Variants in STAT3 observed in about 807,000 individuals in gnomAD.
The protein encoded by STAT3 is DNA-binding protein APRF.
A neutral mutation model predicts 114.3 loss-of-function variants in STAT3; 7 were observed. The observed-to-expected ratio is 0.06, with a 90% CI of 0.03 to 0.11. The LOEUF (loss-of-function observed/expected upper bound fraction) is 0.11. STAT3 is among the 10% of genes least tolerant of loss of function. STAT3 has a pLI of 1.00. For synonymous variants in STAT3, 331 were observed against 354.5 expected (o/e 0.93, Z 0.74); for missense variants, 364 against 960.9 (o/e 0.38, Z 8.21).
At chr17:42,350,986 C>G (rs1045128855) in intron 1 of STAT3, among the ~76,000 whole-genome samples, 7 of 151,916 alleles carry the variant, frequency 4.6e-5, no homozygotes, top group African/African-American at 1.7e-4. Context: ...CAAAAATTAG[C>G]TGGGTGTGGT....
Position 42,346,704 on chromosome 17 carries a change from C to A in STAT3, c.138G>T (p.Ala46=). Residue 46 remains alanine, a synonymous_variant, in exon 3 of 24, where the codon GCG becomes GCT. Transcript: ENST00000264657. ...AAGTGGCATGTGATTCTTTGCTGGC[C>A]GCATATGCCCTAGGAAAAGGAAGAA... ...PWIESQDWAY[A]ASKESHATLV... 6 of 1,613,878 alleles carry A rather than the reference C, an allele frequency of 3.7e-6. No individual in the cohort carries two copies. Among genetic ancestry groups the A allele is most frequent in the Non-Finnish European group, 5.1e-6 (6 of 1,179,994 alleles).
intron 14 of STAT3, among the ~76,000 whole-genome samples, chr17:42,326,715 G>C (rs1331340044): frequency 6.6e-6 from 1 of 152,048 alleles, no homozygotes; most frequent in Admixed American, 6.6e-5. Flanking sequence ...AGCTACTCAG[G>C]AGGCTGAGGC....
Position 42,337,060 on chromosome 17 carries a change from C to G in STAT3, c.797+375G>C, listed in dbSNP as rs2144867705. ...GTAGTAAGATCTCCGCTCACTGCAA[C>G]TTCCATATCCCAGGTTCAAGTGATT... On this transcript the variant is annotated intron_variant, in intron 8 of 23. Transcript: ENST00000264657. This position sits in a 1 kb window ranked among gnomAD's most constrained non-coding sequence, Gnocchi z 4.0. Among the ~76,000 whole-genome samples, 1 of 152,296 alleles carries G rather than the reference C, an allele frequency of 6.6e-6. No individual in the cohort carries two copies. The highest frequency in any genetic ancestry group is 2.4e-5 in the African/African-American group (1 of 41,554).
intron 1 of STAT3, among the ~76,000 whole-genome samples, chr17:42,380,685 G>A (rs1268268663): frequency 3.3e-5 from 5 of 152,138 alleles, no homozygotes; most frequent in South Asian, 2.1e-4. Context: ...CACCGCACTC[G>A]GCCTGATATT....
intron 10 of STAT3, among the ~76,000 whole-genome samples, chr17:42,332,742 AG>A: frequency 6.6e-6 from 1 of 152,134 alleles, no homozygotes. Context: ...AGGGAGGCTA[AG>A]GCAGGAGAAT....
intron 11 of STAT3, among the ~76,000 whole-genome samples, chr17:42,330,724 C>T (rs1311146913): frequency 2.0e-5 from 3 of 152,108 alleles, no homozygotes; most frequent in East Asian, 3.8e-4. Context: ...CCACCGCGCC[C>T]GGCCCACATT....
chr17:42,331,646 G>C, intron 10 of STAT3, 115 bp from the exon 11 acceptor site: 1 of 851,182 alleles, frequency 1.2e-6, no homozygotes, highest in Non-Finnish European at 1.9e-6. Context: ...AGGCCAAGCT[G>C]TCTATAATTA....
At chr17:42,318,411 C>A (rs2081336791) in intron 21 of STAT3, among the ~76,000 whole-genome samples, 1 of 152,160 alleles carries the variant, frequency 6.6e-6, no homozygotes, top group Non-Finnish European at 1.5e-5. Context: ...CAAGTATGAG[C>A]TATCATGCCC....
rs768443734 is a variant in STAT3 at position 42,329,790 on chromosome 17, G to A, written c.1110-14C>T. 34 of 1,614,108 alleles carry A rather than the reference G, an allele frequency of 2.1e-5. No homozygotes were observed. The highest frequency in any genetic ancestry group is 2.9e-5 in the Non-Finnish European group (34 of 1,179,966). On this transcript the variant is annotated splice_polypyrimidine_tract_variant and intron_variant, in intron 11 of 23. Transcript: ENST00000264657. ...TCCCCAGAGTCTCTGTAAGAACACA[G>A]ACTGTTGTTAATAAAATAGGCTCTG...
chr17:42,333,470 C>G lies in STAT3; in HGVS notation c.1049+203G>C, dbSNP rs1389604162. On this transcript the variant is annotated intron_variant, in intron 10 of 23. Coordinates refer to ENST00000264657, the MANE Select transcript of STAT3 (RefSeq NM_139276.3). This position sits in a 1 kb window ranked among gnomAD's most constrained non-coding sequence, Gnocchi z 5.2. ...CAATCATAGGAATATGCCCAGGTACCTTCAAAAAGATGACTGCTCTTTTGC... is the reference window on the plus strand; with the variant it reads ...CAATCATAGGAATATGCCCAGGTACGTTCAAAAAGATGACTGCTCTTTTGC... 6.6e-6 allele frequency among the ~76,000 whole-genome samples: 1 copy of G among 152,098 alleles called. No homozygotes were observed. The highest frequency in any genetic ancestry group is 1.5e-5 in the Non-Finnish European group (1 of 68,024).
At position 42,313,647 on chromosome 17, in the gene STAT3, G is replaced by A. The variant is rs1280242071; in HGVS notation, c.*2098C>T. ...TCTCAGAACTTTTGCTACAATCAGA[G>A]TTAAGACCAGATACATGCTACCTAA... On this transcript the variant is annotated 3_prime_UTR_variant, in exon 24 of 24. Coordinates refer to ENST00000264657, the MANE Select transcript of STAT3 (RefSeq NM_139276.3). The A allele has an allele frequency of 8.6e-6, 2 of 231,788 alleles. No individual in the cohort carries two copies. The highest frequency in any genetic ancestry group is 1.7e-5 in the Non-Finnish European group (2 of 116,870). 14.4% of individuals were successfully genotyped at this position (231,788 alleles called of 1,614,324 possible). A position where few individuals can be genotyped will look rare whatever the true frequency, so the allele number is the denominator to read the frequency against.
At chr17:42,370,903 C>T (rs1281959909) in intron 1 of STAT3, among the ~76,000 whole-genome samples, 3 of 152,144 alleles carry the variant, frequency 2.0e-5, no homozygotes, top group African/African-American at 4.8e-5. Flanking sequence ...GCCACCACAC[C>T]GGGCCTCCCT....
intron 4 of STAT3, among the ~76,000 whole-genome samples, chr17:42,344,072 C>T (rs956691462): frequency 6.6e-6 from 1 of 152,122 alleles, no homozygotes; most frequent in Admixed American, 6.5e-5. Flanking sequence ...AGTGTTTCAC[C>T]ACTGTGCATC....
intron 10 of STAT3, among the ~76,000 whole-genome samples, chr17:42,332,818 GAAAGAGCGA>G (rs1317485797): frequency 2.0e-5 from 3 of 151,510 alleles, no homozygotes; most frequent in Non-Finnish European, 2.9e-5. Context: ...TGGCCTGGCC[GAAAGAGCGA>G]GACTCTGTCT....
chr17:42,319,720 A>G (rs146896614), intron 21 of STAT3, among the ~76,000 whole-genome samples: 1 of 152,140 alleles, frequency 6.6e-6, no homozygotes, highest in Non-Finnish European at 1.5e-5. Context: ...TCTTGGGAGG[A>G]TAATCTAACC....
chr17:42,370,231 C>T (rs1414003525), intron 1 of STAT3, among the ~76,000 whole-genome samples: 1 of 150,576 alleles, frequency 6.6e-6, no homozygotes, highest in Admixed American at 6.7e-5. Context: ...GGATTATAGG[C>T]ATGAGCCACC....
rs2144684636 is a variant in STAT3 at position 42,322,501 on chromosome 17, C to T, written c.1889-7G>A. 6.2e-7 allele frequency: 1 copy of T among 1,614,154 alleles called. No homozygotes were observed. Among genetic ancestry groups the T allele is most frequent in the Non-Finnish European group, 8.5e-7 (1 of 1,180,012 alleles). On this transcript the variant is annotated splice_region_variant and splice_polypyrimidine_tract_variant and intron_variant, in intron 20 of 23. Coordinates refer to ENST00000264657, the MANE Select transcript of STAT3 (RefSeq NM_139276.3). ...GACTGGATCTGGGTCTTACCTGTCA[C>T]AGGACATGGGAAGGAAAGATCATGG...
Position 42,333,797 on chromosome 17 carries a change from C to T in STAT3, c.957-32G>A, listed in dbSNP as rs1489037254. 8.7e-6 allele frequency: 14 copies of T among 1,614,116 alleles called. No homozygotes were observed. Among genetic ancestry groups the T allele is most frequent in the East Asian group, 4.5e-5 (2 of 44,888 alleles). On this transcript the variant is annotated intron_variant, in intron 9 of 23. Coordinates refer to ENST00000264657, the MANE Select transcript of STAT3 (RefSeq NM_139276.3). The surrounding 1 kb of genome is among the most constrained non-coding windows in gnomAD (Gnocchi z 5.2). ...AAAGAGAAGATGGGCTCACGCGCCA[C>T]GGCCATGACCAGAAGTCAGCCCGCC...
intron 1 of STAT3, among the ~76,000 whole-genome samples, chr17:42,386,173 T>A (rs1365719175): frequency 6.6e-6 from 1 of 150,422 alleles, no homozygotes; most frequent in Non-Finnish European, 1.5e-5. Flanking sequence ...CCCAGCTACT[T>A]GGGAGGCTGA....
Sources: gnomAD v4.1 joint callset for allele counts (sites outside exome capture counted in the v4.1 genomes callset) on GRCh38, gnomAD v4.1.1 for gene constraint, Gnocchi (gnomAD v3.1) non-coding constraint, MANE v1.5 for transcripts, NCBI Gene and HGNC (gene_info 2026-07-23, HGNC 2026-07-21) for gene names.